Variants in SERPINF1 observed in about 807,000 individuals in gnomAD.
The protein encoded by SERPINF1 is pigment epithelium-derived factor.
Under a neutral mutation model 37.3 loss-of-function variants are expected in SERPINF1, and 29 were observed. The ratio of observed to expected loss-of-function variants is 0.78; its 90% confidence interval spans 0.58 to 1.06. The LOEUF is 1.06. SERPINF1 is among the 50% of genes least tolerant of loss of function. SERPINF1 has a pLI of 0.00. For synonymous variants in SERPINF1, 281 were observed against 227.9 expected, an observed-to-expected ratio of 1.23 and a Z score of -2.10; for missense variants, 553 against 532.2, an observed-to-expected ratio of 1.04 and a Z score of -0.38.
In SERPINF1 at chr17:1,775,168, C is replaced by A; in HGVS notation, c.754C>A (p.Arg252Ser). 1 of 1,612,248 alleles carries A rather than the reference C, an allele frequency of 6.2e-7. No individual in the cohort carries two copies. The highest frequency in any genetic ancestry group is 8.5e-7 in the Non-Finnish European group (1 of 1,179,106). The change falls in exon 6 of 8, where the codon CGC becomes AGC. Residue 252 changes from arginine to serine, a missense_variant. Transcript: ENST00000254722. ...PMMSDPKAVL[R>S]YGLDSDLSCK... ...GATGTCGGACCCTAAGGCTGTTTTA[C>A]GCTATGGCTTGGATTCAGATCTCAG...
intron 2 of SERPINF1, 162 bp from the exon 3 acceptor site, chr17:1,769,690 G>T: frequency 1.4e-6 from 1 of 740,432 alleles, no homozygotes; most frequent in East Asian, 2.6e-5. Context: ...TGCGTGATCA[G>T]GGAGTAAAAC....
chr17:1,775,893 CTG>C (rs757760405), intron 6 of SERPINF1, among the ~76,000 whole-genome samples: 1 of 152,224 alleles, frequency 6.6e-6, no homozygotes, highest in African/African-American at 2.4e-5. Flanking sequence ...AAGTCTGTAA[CTG>C]TTAACCTTTC....
At chr17:1,768,915 C>T (rs1425611195) in intron 2 of SERPINF1, among the ~76,000 whole-genome samples, 1 of 152,012 alleles carries the variant, frequency 6.6e-6, no homozygotes, top group African/African-American at 2.4e-5. Context: ...AAGCGAATCT[C>T]GTGCCTCAGC....
Position 1,771,117 on chromosome 17 carries a change from G to A in SERPINF1, c.372G>A (p.Glu124=). ...CAGACATCCATGGTACCTATAAGGA[G>A]CTCCTTGACACGGTCACTGCCCCCC... ...SSPDIHGTYK[E]LLDTVTAPQK... is the part of the protein sequence containing the mutation. Residue 124 remains glutamate (E), a synonymous_variant, in exon 4 of 8, where the codon GAG becomes GAA. Coordinates refer to ENST00000254722, the MANE Select transcript of SERPINF1 (RefSeq NM_002615.7). 6.2e-7 allele frequency: 1 copy of A among 1,614,114 alleles called. No individual in the cohort carries two copies. The highest frequency in any genetic ancestry group is 8.5e-7 in the Non-Finnish European group (1 of 1,180,012).
At position 1,775,402 on chromosome 17, in the gene SERPINF1, C is replaced by A. The variant is rs116044309; in HGVS notation, c.786+202C>A. On this transcript the variant is annotated intron_variant, in intron 6 of 7. Transcript: ENST00000254722. ...GGGGATCGTTACCAACACTTACCCT[C>A]CCAGGGTTTGTTGTAAGGACGAATA... 7.4e-3 allele frequency among the ~76,000 whole-genome samples: 1,127 copies of A among 152,266 alleles called. 13 individuals are homozygous for A. The highest frequency in any genetic ancestry group is 0.026 in the African/African-American group (1,072 of 41,532).
intron 6 of SERPINF1, 83 bp from the exon 7 acceptor site, chr17:1,776,449 A>G (rs2039762136): frequency 8.0e-7 from 1 of 1,251,548 alleles, no homozygotes; most frequent in African/African-American, 1.5e-5. Flanking sequence ...CCGTCACGGG[A>G]GAGGGAAGGC....
In SERPINF1 at chr17:1,775,305, A is replaced by C. The variant is rs556854302; in HGVS notation, c.786+105A>C. 3 of 1,177,584 alleles carry C rather than the reference A, an allele frequency of 2.5e-6. No homozygotes were observed. The African/African-American group carries it at 4.5e-5, about 18-fold the overall frequency. The allele number at this position is 1,177,584 out of a possible 1,614,324, so 72.9% of individuals were successfully genotyped here. A position where few individuals can be genotyped will look rare whatever the true frequency, so the allele number is the denominator to read the frequency against. On this transcript the variant is annotated intron_variant, in intron 6 of 7. Transcript: ENST00000254722. ...GACCTTTGAGATCCGACAGCTGTCT[A>C]CATGTCGCCTGCTGTGTGACTTTGA...
At chr17:1,768,838 C>G (rs938773292) in intron 2 of SERPINF1, among the ~76,000 whole-genome samples, 3 of 151,838 alleles carry the variant, frequency 2.0e-5, no homozygotes, top group African/African-American at 7.3e-5. Flanking sequence ...CAGGGTCTCA[C>G]TCTGTCACCC....
chr17:1,768,952 T>G (rs1907553782), intron 2 of SERPINF1, among the ~76,000 whole-genome samples: 2 of 151,808 alleles, frequency 1.3e-5, no homozygotes, highest in Non-Finnish European at 2.9e-5. Flanking sequence ...ATTACAGGCA[T>G]GCACCACCAT....
At chr17:1,776,196 CAG>C (rs1389592383) in intron 6 of SERPINF1, among the ~76,000 whole-genome samples, 6 of 152,256 alleles carry the variant, frequency 3.9e-5, no homozygotes, top group African/African-American at 1.4e-4. Context: ...AACAAATGAG[CAG>C]TAAATGTTGG....
chr17:1,777,468 T>A lies in SERPINF1; in HGVS notation c.*22T>A. 1 of 1,613,764 alleles carries A rather than the reference T, an allele frequency of 6.2e-7. No homozygotes were observed. The highest frequency in any genetic ancestry group is 8.5e-7 in the Non-Finnish European group (1 of 1,179,960). On this transcript the variant is annotated 3_prime_UTR_variant, in exon 8 of 8. Coordinates refer to ENST00000254722, the MANE Select transcript of SERPINF1 (RefSeq NM_002615.7). ...CTAATATCCCAGTTTAATATTCCAA[T>A]ACCCTAGAAGAAAACCCGAGGGACA...
At chr17:1,776,015 C>T (rs1245341267) in intron 6 of SERPINF1, among the ~76,000 whole-genome samples, 3 of 152,316 alleles carry the variant, frequency 2.0e-5, no homozygotes, top group South Asian at 2.1e-4. Context: ...ATTTCGGAGA[C>T]TCTTGGGATC....
intron 5 of SERPINF1, among the ~76,000 whole-genome samples, chr17:1,772,284 T>C (rs1261933438): frequency 6.6e-6 from 1 of 151,756 alleles, no homozygotes; most frequent in East Asian, 1.9e-4. Context: ...TCCCGGCTAA[T>C]TTTTTGTATT....
At position 1,771,159 on chromosome 17, in the gene SERPINF1, T is replaced by G; in HGVS notation, c.414T>G (p.Ser138Arg). The G allele has an allele frequency of 6.2e-7, 1 of 1,613,444 alleles. No individual in the cohort carries two copies. The highest frequency in any genetic ancestry group is 8.5e-7 in the Non-Finnish European group (1 of 1,179,788). Residue 138 changes from serine (S) to arginine (R), a missense_variant, in exon 4 of 8, where the codon AGT becomes AGG. By Grantham distance (110) the Ser-to-Arg change is moderately radical (BLOSUM62 -1). Transcript: ENST00000254722. ...CTGCCCCCCAGAAGAACCTCAAGAG[T>G]GCCTCCCGGATCGTCTTTGAGAAGA... ...TVTAPQKNLK[S>R]ASRIVFEKKL...
rs149928165 is a variant in SERPINF1, at chr17:1,773,885, C to T, written c.644-1173C>T. On this transcript the variant is annotated intron_variant, in intron 5 of 7. Coordinates refer to ENST00000254722, the MANE Select transcript of SERPINF1 (RefSeq NM_002615.7). ...AACTCTCCCTTAAAACGCTTTGTAA[C>T]CATCTGAGGCACCAGCAAGAGCGGC... 1.3e-3 allele frequency among the ~76,000 whole-genome samples: 204 copies of T among 152,206 alleles called. 2 individuals are homozygous for T. Among genetic ancestry groups the T allele is most frequent in the African/African-American group, 4.3e-3 (179 of 41,524 alleles).
In SERPINF1 at chr17:1,775,129, G is replaced by A. The variant is rs376520683; in HGVS notation, c.715G>A (p.Val239Met). 6.9e-5 allele frequency: 112 copies of A among 1,613,848 alleles called. No individual in the cohort carries two copies. Among genetic ancestry groups the A allele is most frequent in the East Asian group, 1.6e-4 (7 of 44,886 alleles). Residue 239 changes from valine (V) to methionine (M), a missense_variant, in exon 6 of 8, where the codon GTG becomes ATG. Coordinates refer to ENST00000254722, the MANE Select transcript of SERPINF1 (RefSeq NM_002615.7). ...TTTCTACTTGGATGAAGAGAGGACCGTGAGGGTCCCCATGATGTCGGACCC... is the reference window on the plus strand; with the variant it reads ...TTTCTACTTGGATGAAGAGAGGACCATGAGGGTCCCCATGATGTCGGACCC... Reference protein sequence around the residue: ...EDFYLDEERTVRVPMMSDPKA... With the variant: ...EDFYLDEERTMRVPMMSDPKA...
chr17:1,767,079 A>C (rs1420417308), intron 2 of SERPINF1, 85 bp downstream of exon 2: 2 of 1,222,026 alleles, frequency 1.6e-6, no homozygotes, highest in Non-Finnish European at 2.3e-6. Context: ...GGGAACCCGG[A>C]CCCAGGTTCC....
chr17:1,769,281 C>T (rs1023468140), intron 2 of SERPINF1, among the ~76,000 whole-genome samples: 3 of 151,904 alleles, frequency 2.0e-5, no homozygotes, highest in Non-Finnish European at 2.9e-5. Context: ...TGGTGGTGGG[C>T]GCCTGTAGTC....
rs372645040 is a variant in SERPINF1, at chr17:1,776,762, C to T, written c.997+20C>T. On this transcript the variant is annotated intron_variant, in intron 7 of 7. Transcript: ENST00000254722. The stretch of plus-strand genomic sequence containing the variant: ...AGATGAGTATGTCTGAAGACCCTTT[C>T]GCTCTTGGTGGGTGGATGGGGTGGG... The T allele has an allele frequency of 5.4e-5, 87 of 1,610,160 alleles. No individual in the cohort carries two copies. Among genetic ancestry groups the T allele is most frequent in the Non-Finnish European group, 6.5e-5 (76 of 1,177,424 alleles).
Sources: allele counts gnomAD v4.1 joint callset (sites outside exome capture counted in the v4.1 genomes callset), GRCh38; gene constraint gnomAD v4.1.1; transcripts MANE v1.5; gene names NCBI Gene and HGNC (gene_info 2026-07-23, HGNC 2026-07-21).